CREBBP: variants seen among roughly 807,000 people sequenced by gnomAD.
CREBBP encodes CREB-binding protein.
A neutral mutation model predicts 265.0 loss-of-function variants in CREBBP; 19 were observed. The ratio of observed to expected loss-of-function variants is 0.07; its 90% CI spans 0.05 to 0.11. The LOEUF is 0.11. CREBBP is among the 10% of genes least tolerant of loss of function. CREBBP has a pLI of 1.00. For synonymous variants in CREBBP, 1,457 were observed against 1,223.7 expected (o/e 1.19, Z -3.98); for missense variants, 2,525 against 3,219.0 (o/e 0.78, Z 5.22).
intron 20 of CREBBP, among the ~76,000 whole-genome samples, chr16:3,750,615 G>A (rs970878156): frequency 1.3e-5 from 2 of 152,138 alleles, no homozygotes; most frequent in Non-Finnish European, 2.9e-5. Flanking sequence ...TCTAACACTC[G>A]AAGGTAACTC....
chr16:3,754,917 T>C (rs1044067363), intron 19 of CREBBP, among the ~76,000 whole-genome samples: 33 of 152,170 alleles, frequency 2.2e-4, no homozygotes, highest in African/African-American at 8.0e-4. Flanking sequence ...AATAAAAACA[T>C]AAGCAGTTAA....
At chr16:3,765,446 CT>C (rs1181585685) in intron 16 of CREBBP, among the ~76,000 whole-genome samples, 2 of 152,338 alleles carry the variant, frequency 1.3e-5, no homozygotes, top group East Asian at 3.9e-4. Context: ...CACATTAAAA[CT>C]TTCAGGAATG....
At chr16:3,800,680 C>T (rs117132440) in intron 3 of CREBBP, among the ~76,000 whole-genome samples, 1,726 of 152,220 alleles carry the variant, frequency 0.011, 12 homozygotes, top group Non-Finnish European at 0.019. Context: ...TGAATTGCCA[C>T]TGTACCCCAG....
At chr16:3,816,398 G>A (rs1413401187) in intron 2 of CREBBP, among the ~76,000 whole-genome samples, 2 of 152,192 alleles carry the variant, frequency 1.3e-5, no homozygotes, top group African/African-American at 4.8e-5. Flanking sequence ...CTGCCCCCAA[G>A]AAAGAATGGG....
chr16:3,735,457 C>T (rs551097840), intron 28 of CREBBP, among the ~76,000 whole-genome samples: 61 of 152,270 alleles, frequency 4.0e-4, no homozygotes, highest in Admixed American at 5.9e-4. Flanking sequence ...CTCCCACAAC[C>T]GGCTAAATTT....
rs1055078558 is a variant in CREBBP, at chr16:3,776,497, T to C, written c.2158+1116A>G. 3.9e-5 allele frequency among the ~76,000 whole-genome samples: 6 copies of C among 152,212 alleles called. No homozygotes were observed. In the South Asian group the frequency reaches 1.2e-3, roughly 32 times the overall value. On this transcript the variant is annotated intron_variant, in intron 11 of 30. Coordinates refer to ENST00000262367, the MANE Select transcript of CREBBP (RefSeq NM_004380.3). ...TGGCACAGGACCTGTGTGTACACTC[T>C]CTCCAGAAGTTGACATCCAGCCAGC... is the stretch of plus-strand genomic sequence containing the variant.
chr16:3,832,218 C>T (rs1310249570), intron 2 of CREBBP, among the ~76,000 whole-genome samples: 1 of 152,026 alleles, frequency 6.6e-6, no homozygotes, highest in African/African-American at 2.4e-5. Context: ...AGGAAAACTC[C>T]AGACCTGGAT....
rs989364412 is a variant in CREBBP at position 3,829,771 on chromosome 16, A to G, written c.799-18992T>C. The stretch of plus-strand genomic sequence containing the variant: ...TTATCATCCACCATTTCCACTACAC[A>G]GTCTAAAAGTACTGGACATGCCAAG... On this transcript the variant is annotated intron_variant, in intron 2 of 30. Transcript: ENST00000262367. Among the ~76,000 whole-genome samples the G allele has an allele frequency of 3.3e-5, 5 of 152,244 alleles. No individual in the cohort carries two copies. The South Asian group carries it at 6.2e-4, about 19-fold the overall frequency.
intron 13 of CREBBP, 115 bp downstream of exon 13, chr16:3,773,636 T>A: frequency 9.0e-7 from 1 of 1,111,468 alleles, no homozygotes; most frequent in Non-Finnish European, 1.3e-6. Context: ...TACAAAGACA[T>A]GAAATGTGCA....
intron 21 of CREBBP, 71 bp from the exon 22 acceptor site, chr16:3,745,425 T>C: frequency 7.2e-7 from 1 of 1,388,732 alleles, no homozygotes; most frequent in Non-Finnish European, 1.0e-6. Flanking sequence ...TAGAAGTCTG[T>C]GTGTGCGTCC....
At chr16:3,822,089 G>A (rs935521574) in intron 2 of CREBBP, among the ~76,000 whole-genome samples, 37 of 152,148 alleles carry the variant, frequency 2.4e-4, no homozygotes, top group Middle Eastern at 3.2e-3. Context: ...TTGTAAAGAC[G>A]AAATTAATTT....
intron 2 of CREBBP, among the ~76,000 whole-genome samples, chr16:3,823,970 AC>A (rs1302801881): frequency 1.3e-5 from 2 of 151,788 alleles, no homozygotes; most frequent in African/African-American, 4.8e-5. Flanking sequence ...ACACACACAC[AC>A]ACACACACAC....
At chr16:3,790,535 C>A (rs1290150392) in intron 5 of CREBBP, among the ~76,000 whole-genome samples, 1 of 152,024 alleles carries the variant, frequency 6.6e-6, no homozygotes, top group Non-Finnish European at 1.5e-5. Flanking sequence ...CCACCACGCC[C>A]GGCTAATTTT....
chr16:3,794,098 C>A (rs529998505), intron 3 of CREBBP, among the ~76,000 whole-genome samples: 1 of 151,850 alleles, frequency 6.6e-6, no homozygotes, highest in South Asian at 2.1e-4. Flanking sequence ...GAGGCCGAGG[C>A]AGGCGGATCA....
In CREBBP at chr16:3,728,194, G is replaced by A. The variant is rs368174171; in HGVS notation, c.6853C>T (p.Pro2285Ser). Residue 2285 changes from proline to serine, a missense_variant, in exon 31 of 31, where the codon CCC (proline) becomes TCC (serine). Pro to Ser is a moderately conservative substitution (Grantham distance 74, BLOSUM62 -1). This residue lies in a region of CREBBP where 473 missense variants were observed against 459.3 expected (regional missense o/e 1.03). Coordinates refer to ENST00000262367, the MANE Select transcript of CREBBP (RefSeq NM_004380.3). The surrounding 1 kb of genome is among the most constrained non-coding windows in gnomAD (Gnocchi z 8.7). ...TGCTGCAGGGCTTGCTGGATGTTGG[G>A]GGTGCTGTCTGCCCCCAGCCCCGGC... is the stretch of plus-strand genomic sequence containing the variant. ...GQPGLGADST[P>S]NIQQALQQRI... is the part of the protein sequence containing the mutation. 50 of 1,613,942 alleles carry A rather than the reference G, an allele frequency of 3.1e-5. No homozygotes were observed. The highest frequency in any genetic ancestry group is 4.2e-5 in the Non-Finnish European group (50 of 1,180,002).
intron 16 of CREBBP, among the ~76,000 whole-genome samples, chr16:3,764,468 G>T (rs2052798792): frequency 6.7e-6 from 1 of 148,430 alleles, no homozygotes; most frequent in African/African-American, 2.5e-5. Flanking sequence ...TAGAGACAGG[G>T]TCTCACTACG....
intron 11 of CREBBP, among the ~76,000 whole-genome samples, chr16:3,775,665 T>G (rs926838216): frequency 6.6e-6 from 1 of 152,240 alleles, no homozygotes; most frequent in Non-Finnish European, 1.5e-5. Context: ...CTTGAGAATT[T>G]TTTTAAACAA....
chr16:3,879,803 GC>G, intron 1 of CREBBP, 28 bp downstream of exon 1: 4 of 1,556,350 alleles, frequency 2.6e-6, no homozygotes, highest in Non-Finnish European at 3.5e-6. Flanking sequence ...CGCGCCCCGG[GC>G]CCCCGCCGCC....
rs116290642 is a variant in CREBBP at position 3,740,146 on chromosome 16, A to G, written c.4133+253T>C. On this transcript the variant is annotated intron_variant, in intron 24 of 30. Coordinates refer to ENST00000262367, the MANE Select transcript of CREBBP (RefSeq NM_004380.3). ...CAAGAGATTAACAAGAATAAGTAAT[A>G]ATAAAATAAGAAAATTATAAACAGT... Among the ~76,000 whole-genome samples, 406 of 152,352 alleles carry G rather than the reference A, an allele frequency of 2.7e-3. 2 individuals carry two copies. The highest frequency in any genetic ancestry group is 9.1e-3 in the African/African-American group (379 of 41,572).
Sources: gnomAD v4.1 joint callset for allele counts (sites outside exome capture counted in the v4.1 genomes callset) on GRCh38, gnomAD v4.1.1 for gene constraint, gnomAD v4.1.1 regional missense constraint, Gnocchi (gnomAD v3.1) non-coding constraint, MANE v1.5 for transcripts, NCBI Gene and HGNC (gene_info 2026-07-23, HGNC 2026-07-21) for gene names.